Variants in PTPRN2 observed in about 807,000 individuals in gnomAD.
PTPRN2 encodes protein tyrosine phosphatase receptor type N2.
In PTPRN2, 74 loss-of-function variants were observed where a neutral mutation model predicts 118.8. That is an observed-to-expected ratio of 0.62 (90% CI 0.52 to 0.76). The LOEUF is 0.76. PTPRN2 is among the 30% of genes least tolerant of loss of function. The probability of loss-of-function intolerance (pLI) is 0.00; values close to 1 mark genes in which losing one functional copy is unlikely to be tolerated. For missense variants in PTPRN2, 1,481 were observed against 1,394.4 expected (o/e 1.06, Z -0.99); for synonymous variants, 641 against 608.0 (o/e 1.05, Z -0.80).
At chr7:157,775,581 C>T (rs747922161) in intron 12 of PTPRN2, among the ~76,000 whole-genome samples, 10 of 152,152 alleles carry the variant, frequency 6.6e-5, no homozygotes, top group Non-Finnish European at 1.0e-4. Flanking sequence ...GGGAAGGCTT[C>T]GTCCTCGGGA....
At chr7:157,675,305 C>A (rs1285897278) in intron 13 of PTPRN2, among the ~76,000 whole-genome samples, 1 of 152,154 alleles carries the variant, frequency 6.6e-6, no homozygotes, top group Non-Finnish European at 1.5e-5. Context: ...GCCCTGAAGC[C>A]CCTTGGGCTG....
intron 2 of PTPRN2, among the ~76,000 whole-genome samples, chr7:158,325,830 G>C (rs1216235428): frequency 6.6e-6 from 1 of 152,266 alleles, no homozygotes; most frequent in African/African-American, 2.4e-5. Context: ...CGCTGAGACA[G>C]ACACTCAGGT....
At chr7:158,313,912 A>C (rs1000979085) in intron 3 of PTPRN2, among the ~76,000 whole-genome samples, 1 of 152,062 alleles carries the variant, frequency 6.6e-6, no homozygotes, top group African/African-American at 2.4e-5. Flanking sequence ...CCTCCTTTTG[A>C]AACTCACCTT....
chr7:157,993,890 G>T (rs1804445886), intron 11 of PTPRN2, among the ~76,000 whole-genome samples: 1 of 152,142 alleles, frequency 6.6e-6, no homozygotes, highest in South Asian at 2.1e-4. Flanking sequence ...AAAACCCAAG[G>T]GGGGTCAGTG....
chr7:158,331,601 C>T (rs1487859285), intron 2 of PTPRN2, among the ~76,000 whole-genome samples: 2 of 136,950 alleles, frequency 1.5e-5, no homozygotes, highest in Non-Finnish European at 3.1e-5. Context: ...AGCTGAGGAC[C>T]ACAGAGGTCA....
chr7:158,576,444 C>T (rs551519551), intron 1 of PTPRN2, among the ~76,000 whole-genome samples: 3 of 152,326 alleles, frequency 2.0e-5, no homozygotes, highest in African/African-American at 7.2e-5. Flanking sequence ...GGGGCCCTCT[C>T]GGGACAAGCC....
chr7:158,077,278 C>T (rs868254883), intron 11 of PTPRN2, among the ~76,000 whole-genome samples: 2 of 152,182 alleles, frequency 1.3e-5, no homozygotes, highest in African/African-American at 4.8e-5. Context: ...ACAGCAGACA[C>T]GACCCTGTTC....
intron 4 of PTPRN2, among the ~76,000 whole-genome samples, chr7:158,198,175 A>C (rs1270994293): frequency 6.6e-6 from 1 of 152,156 alleles, no homozygotes; most frequent in African/African-American, 2.4e-5. Flanking sequence ...TGTATCTTTA[A>C]ATTGTCGTAT....
At chr7:158,065,189 T>A (rs1271859104) in intron 11 of PTPRN2, among the ~76,000 whole-genome samples, 1 of 152,172 alleles carries the variant, frequency 6.6e-6, no homozygotes, top group East Asian at 1.9e-4. Context: ...ACCATGCAGT[T>A]CACCAGGAAC....
intron 11 of PTPRN2, among the ~76,000 whole-genome samples, chr7:158,064,767 G>A (rs909683020): frequency 2.6e-5 from 4 of 152,040 alleles, no homozygotes; most frequent in Admixed American, 6.5e-5. Context: ...CACCCTCCCC[G>A]CAACAGAACT....
chr7:158,343,249 T>C (rs1047720601), intron 2 of PTPRN2, among the ~76,000 whole-genome samples: 1 of 151,818 alleles, frequency 6.6e-6, no homozygotes, highest in South Asian at 2.1e-4. Flanking sequence ...AGGACCTGAG[T>C]AGACTTTTCT....
chr7:157,914,232 T>A (rs1011645483), intron 11 of PTPRN2, among the ~76,000 whole-genome samples: 5 of 152,176 alleles, frequency 3.3e-5, no homozygotes, highest in African/African-American at 1.2e-4. Context: ...AAATTTTGCT[T>A]TTTAAACAAA....
intron 2 of PTPRN2, among the ~76,000 whole-genome samples, chr7:158,331,839 A>T (rs113965075): frequency 0.031 from 2,799 of 89,158 alleles, 398 homozygotes; most frequent in African/African-American, 0.11. Flanking sequence ...CCCGCAGACG[A>T]CACTAACAAC....
chr7:157,884,422 C>T (rs774215397), intron 12 of PTPRN2, among the ~76,000 whole-genome samples: 10 of 152,312 alleles, frequency 6.6e-5, no homozygotes, highest in Middle Eastern at 3.4e-3. Context: ...TGGAAGAGGA[C>T]GGCTCTCGTC....
chr7:158,130,713 T>A (rs1563478140), intron 9 of PTPRN2, among the ~76,000 whole-genome samples: 1 of 110,374 alleles, frequency 9.1e-6, no homozygotes, highest in Non-Finnish European at 1.9e-5. Flanking sequence ...CACACACTCA[T>A]ATACACACAT....
chr7:158,058,377 G>A (rs1255757713), intron 11 of PTPRN2, among the ~76,000 whole-genome samples: 1 of 138,836 alleles, frequency 7.2e-6, no homozygotes, highest in Non-Finnish European at 1.5e-5. Context: ...CATCACTGCA[G>A]CCACACTCCA....
chr7:158,060,629 G>A (rs1408790212), intron 11 of PTPRN2, among the ~76,000 whole-genome samples: 1 of 152,216 alleles, frequency 6.6e-6, no homozygotes, highest in Non-Finnish European at 1.5e-5. Flanking sequence ...CAGGTAGCAG[G>A]GGTTAGGTTT....
intron 21 of PTPRN2, among the ~76,000 whole-genome samples, chr7:157,566,460 C>T (rs1453910832): frequency 1.3e-5 from 2 of 152,210 alleles, no homozygotes; most frequent in Non-Finnish European, 2.9e-5. Context: ...AAAGGCCCAC[C>T]TCAGCCGGCA....
At chr7:158,498,830 T>G (rs970661616) in intron 1 of PTPRN2, among the ~76,000 whole-genome samples, 1 of 152,166 alleles carries the variant, frequency 6.6e-6, no homozygotes, top group Non-Finnish European at 1.5e-5. Flanking sequence ...TGTGCTGGAT[T>G]AAAATATAGT....
Sources: allele counts gnomAD v4.1 joint callset (sites outside exome capture counted in the v4.1 genomes callset), GRCh38; gene constraint gnomAD v4.1.1; transcripts MANE v1.5; gene names NCBI Gene and HGNC (gene_info 2026-07-23, HGNC 2026-07-21).